Variants in AURKA observed in about 807,000 individuals in gnomAD.
The protein encoded by AURKA is aurora kinase A, also known as aurora 2.
Under a neutral mutation model 40.9 loss-of-function variants are expected in AURKA, and 12 were observed. That is an observed-to-expected ratio of 0.29 (90% CI 0.19 to 0.48). The LOEUF is 0.48. AURKA is among the 20% of genes least tolerant of loss of function. The probability of loss-of-function intolerance (pLI) is 0.99; values close to 1 mark genes in which losing one functional copy is unlikely to be tolerated. For missense variants in AURKA, 322 were observed against 462.1 expected, an observed-to-expected ratio of 0.70 and a Z score of 2.78; for synonymous variants, 170 against 164.3, an observed-to-expected ratio of 1.03 and a Z score of -0.26.
intron 6 of AURKA, among the ~76,000 whole-genome samples, chr20:56,377,235 C>T (rs1985048143): frequency 6.6e-6 from 1 of 152,126 alleles, no homozygotes; most frequent in Non-Finnish European, 1.5e-5. Flanking sequence ...AGAGATCGCA[C>T]CACTGCACCC....
At chr20:56,391,175 G>A (rs1054403345) in intron 1 of AURKA, among the ~76,000 whole-genome samples, 2 of 152,202 alleles carry the variant, frequency 1.3e-5, no homozygotes, top group Non-Finnish European at 2.9e-5. Context: ...AGCGCAGGAG[G>A]TTTATACGGT....
In AURKA at chr20:56,381,423, G is replaced by T; in HGVS notation, c.705+10C>A. On this transcript the variant is annotated intron_variant, in intron 6 of 8. Coordinates refer to ENST00000395915, the MANE Select transcript of AURKA (RefSeq NM_198437.3). Reference sequence around the variant, plus strand: ...AACACAATTAGCCTGGACAATAAATGAACACTTACAGTAGCAGTTCTCTGC... The same window carrying T: ...AACACAATTAGCCTGGACAATAAATTAACACTTACAGTAGCAGTTCTCTGC... 6.2e-7 allele frequency: 1 copy of T among 1,612,108 alleles called. No homozygotes were observed. Among genetic ancestry groups the T allele is most frequent in the South Asian group, 1.1e-5 (1 of 90,910 alleles).
intron 6 of AURKA, 42 bp downstream of exon 6, chr20:56,381,391 T>C: frequency 6.2e-7 from 1 of 1,609,632 alleles, no homozygotes; most frequent in Non-Finnish European, 8.5e-7. Flanking sequence ...AGGACAGGTA[T>C]AAAGGAAACA....
At chr20:56,376,101 T>C (rs1030548201) in intron 6 of AURKA, among the ~76,000 whole-genome samples, 1 of 152,230 alleles carries the variant, frequency 6.6e-6, no homozygotes, top group Non-Finnish European at 1.5e-5. Context: ...TTTTGTAGTG[T>C]TGGTATAAGG....
chr20:56,374,690 C>T (rs1984694054), intron 6 of AURKA, among the ~76,000 whole-genome samples: 2 of 152,064 alleles, frequency 1.3e-5, no homozygotes, highest in Non-Finnish European at 2.9e-5. Context: ...CCCATCTCAG[C>T]CTCACAACGT....
intron 1 of AURKA, chr20:56,390,746 G>GC (rs1473826762): frequency 6.6e-6 from 1 of 152,046 alleles, no homozygotes; most frequent in Non-Finnish European, 1.5e-5. Context: ...CAGACTACAG[G>GC]CTGCAGCCCT....
chr20:56,382,934 A>T (rs752827659), intron 5 of AURKA, 51 bp downstream of exon 5: 23 of 1,586,350 alleles, frequency 1.4e-5, no homozygotes, highest in Non-Finnish European at 1.8e-5. Flanking sequence ...CAGGAGGGGG[A>T]GGGGTGCAGC....
Position 56,372,713 on chromosome 20 carries a change from T to C in AURKA, c.854+695A>G, listed in dbSNP as rs977551803. On this transcript the variant is annotated intron_variant, in intron 7 of 8. Transcript: ENST00000395915. ...CTATAATTTGAGTCCTCCTCCAAAG[T>C]TGACAAAACTTCATCGGTAGATATA... Among the ~76,000 whole-genome samples the C allele has an allele frequency of 1.3e-4, 20 of 152,294 alleles. 1 individual carries two copies. The East Asian group carries it at 1.4e-3, about 10-fold the overall frequency.
In AURKA at chr20:56,373,177, A is replaced by G. The variant is rs779932607; in HGVS notation, c.854+231T>C. 1.5e-4 allele frequency among the ~76,000 whole-genome samples: 23 copies of G among 152,212 alleles called. No homozygotes were observed. Among genetic ancestry groups the G allele is most frequent in the Non-Finnish European group, 2.4e-4 (16 of 68,042 alleles). ...TCATTAGCCTCTAAGGACATTAAGC[A>G]TCTTCAACCCTAGGCCTAGAACACT... On this transcript the variant is annotated intron_variant, in intron 7 of 8. Transcript: ENST00000395915. This position sits in a 1 kb window ranked among gnomAD's most constrained non-coding sequence, Gnocchi z 5.0.
chr20:56,370,708 A>G, intron 7 of AURKA, 49 bp from the exon 8 acceptor site: 1 of 1,601,472 alleles, frequency 6.2e-7, no homozygotes, highest in Non-Finnish European at 8.5e-7. Flanking sequence ...TTTTATGATC[A>G]CAACAGCTGC....
intron 6 of AURKA, among the ~76,000 whole-genome samples, 158 bp downstream of exon 6, chr20:56,381,275 G>A (rs1985673218): frequency 6.6e-6 from 1 of 152,056 alleles, no homozygotes; most frequent in African/African-American, 2.4e-5. Flanking sequence ...TGTACATATG[G>A]TACAACTAAG....
chr20:56,383,896 A>G (rs757785069), intron 4 of AURKA, among the ~76,000 whole-genome samples: 2 of 152,258 alleles, frequency 1.3e-5, no homozygotes, highest in Non-Finnish European at 2.9e-5. Context: ...TCAGTCATAT[A>G]TGAGTATATA....
rs996928436 is a variant in AURKA at position 56,373,214 on chromosome 20, C to G, written c.854+194G>C. On this transcript the variant is annotated intron_variant, in intron 7 of 8. Coordinates refer to ENST00000395915, the MANE Select transcript of AURKA (RefSeq NM_198437.3). This position sits in a 1 kb window ranked among gnomAD's most constrained non-coding sequence, Gnocchi z 5.0. The stretch of plus-strand genomic sequence containing the variant: ...AGGCCTAGAACACTGCTAATAGCCC[C>G]AAATCTCCACAGAATAACACTTTCT... 2.0e-5 allele frequency among the ~76,000 whole-genome samples: 3 copies of G among 152,180 alleles called. No individual in the cohort carries two copies. Among genetic ancestry groups the G allele is most frequent in the Admixed American group, 6.5e-5 (1 of 15,282 alleles).
At chr20:56,387,872 T>G (rs1986558300) in intron 2 of AURKA, among the ~76,000 whole-genome samples, 1 of 152,230 alleles carries the variant, frequency 6.6e-6, no homozygotes, top group African/African-American at 2.4e-5. Context: ...ATGGCCAATT[T>G]TAAAAGTTTT....
chr20:56,378,891 G>A (rs1008386193), intron 6 of AURKA, among the ~76,000 whole-genome samples: 1 of 152,190 alleles, frequency 6.6e-6, no homozygotes, highest in Non-Finnish European at 1.5e-5. Context: ...TGGAAGGGAT[G>A]AGTAGTTGAG....
At chr20:56,382,598 C>T (rs1453723593) in intron 5 of AURKA, among the ~76,000 whole-genome samples, 1 of 152,034 alleles carries the variant, frequency 6.6e-6, no homozygotes, top group African/African-American at 2.4e-5. Context: ...ATTAACAAAA[C>T]ATTAAATCCT....
At chr20:56,381,334 G>C (rs1208766514) in intron 6 of AURKA, 99 bp downstream of exon 6, 3 of 1,459,266 alleles carry the variant, frequency 2.1e-6, no homozygotes, top group Non-Finnish European at 2.9e-6. Context: ...CTATCCTTAC[G>C]TCAAGACAAA....
rs1985037676 is a variant in AURKA, at chr20:56,377,170, G to A, written c.706-3614C>T. Among the ~76,000 whole-genome samples the A allele has an allele frequency of 3.9e-5, 6 of 152,270 alleles. No homozygotes were observed. The South Asian group carries it at 1.2e-3, about 32-fold the overall frequency. On this transcript the variant is annotated intron_variant, in intron 6 of 8. Coordinates refer to ENST00000395915, the MANE Select transcript of AURKA (RefSeq NM_198437.3). ...CTGGGCGTGGTGGTACCCACCTGTA[G>A]TCTCACCTACTCAGGAGGATCACTT... is the stretch of plus-strand genomic sequence containing the variant.
intron 2 of AURKA, among the ~76,000 whole-genome samples, chr20:56,386,889 A>C (rs1192052424): frequency 6.6e-6 from 1 of 152,142 alleles, no homozygotes; most frequent in Non-Finnish European, 1.5e-5. Flanking sequence ...CCAAAATCTC[A>C]GTTCCATTGA....
Sources: allele counts gnomAD v4.1 joint callset (sites outside exome capture counted in the v4.1 genomes callset), GRCh38; gene constraint gnomAD v4.1.1; non-coding constraint Gnocchi (gnomAD v3.1); transcripts MANE v1.5; gene names NCBI Gene and HGNC (gene_info 2026-07-23, HGNC 2026-07-21).